SORCS2: variants seen among roughly 807,000 people sequenced by gnomAD.
SORCS2 encodes VPS10 domain-containing receptor SorCS2.
A neutral mutation model predicts 141.6 loss-of-function variants in SORCS2; 100 were observed. The ratio of observed to expected loss-of-function variants is 0.71; its 90% CI spans 0.60 to 0.83. SORCS2 has a LOEUF of 0.83. SORCS2 is among the 40% of genes least tolerant of loss of function. SORCS2 has a pLI of 0.00. For missense variants in SORCS2, 1,646 were observed against 1,560.2 expected (o/e 1.05, Z -0.93); for synonymous variants, 789 against 676.9 (o/e 1.17, Z -2.57).
chr4:7,555,777 A>C (rs1714061258), intron 3 of SORCS2, among the ~76,000 whole-genome samples: 1 of 152,232 alleles, frequency 6.6e-6, no homozygotes, highest in Non-Finnish European at 1.5e-5. Flanking sequence ...TTTGAGCCTA[A>C]ACCTGAAGGT....
intron 1 of SORCS2, among the ~76,000 whole-genome samples, chr4:7,348,592 C>A (rs951598950): frequency 3.9e-5 from 6 of 152,190 alleles, no homozygotes; most frequent in Admixed American, 2.0e-4. Context: ...ACTCTTGTTG[C>A]CCAGGCTGGA....
At chr4:7,394,800 C>G (rs145562316) in intron 1 of SORCS2, among the ~76,000 whole-genome samples, 139 of 152,242 alleles carry the variant, frequency 9.1e-4, no homozygotes, top group Non-Finnish European at 1.5e-3. Flanking sequence ...AGCTCCACCC[C>G]CCGAGGCCAG....
intron 19 of SORCS2, among the ~76,000 whole-genome samples, chr4:7,724,480 G>GCGA (rs1553808403): frequency 1.4e-5 from 1 of 71,388 alleles, no homozygotes; most frequent in Admixed American, 1.2e-4. Context: ...GGTGATGGTG[G>GCGA]TGATGGTGGT....
intron 1 of SORCS2, among the ~76,000 whole-genome samples, chr4:7,374,148 T>C (rs952151892): frequency 4.9e-5 from 7 of 144,210 alleles, no homozygotes; most frequent in African/African-American, 1.8e-4. Context: ...TCTTTCTTTC[T>C]TTCTTTCTTT....
intron 3 of SORCS2, among the ~76,000 whole-genome samples, chr4:7,558,593 T>C (rs576269205): frequency 1.1e-4 from 16 of 152,270 alleles, no homozygotes; most frequent in African/African-American, 3.4e-4. Flanking sequence ...CAGTGCTGCC[T>C]GGTCAGTTCA....
At chr4:7,711,511 G>A (rs1164960343) in intron 14 of SORCS2, among the ~76,000 whole-genome samples, 2 of 152,144 alleles carry the variant, frequency 1.3e-5, no homozygotes, top group African/African-American at 2.4e-5. Flanking sequence ...ACCACAAGCT[G>A]GACTGGAGAA....
chr4:7,474,579 A>G (rs1268629008), intron 2 of SORCS2, among the ~76,000 whole-genome samples: 1 of 152,160 alleles, frequency 6.6e-6, no homozygotes, highest in Non-Finnish European at 1.5e-5. Context: ...TGAATTCTGC[A>G]TGGGGTGCTG....
At chr4:7,699,371 C>T (rs1724910481) in intron 12 of SORCS2, among the ~76,000 whole-genome samples, 1 of 152,212 alleles carries the variant, frequency 6.6e-6, no homozygotes, top group Non-Finnish European at 1.5e-5. Flanking sequence ...CCATTCGTCT[C>T]CTCCTGGGTG....
intron 1 of SORCS2, among the ~76,000 whole-genome samples, chr4:7,258,225 T>A (rs1400503554): frequency 2.0e-5 from 3 of 152,232 alleles, no homozygotes; most frequent in Non-Finnish European, 4.4e-5. Context: ...GGTACACATA[T>A]GCCATGGTGG....
At chr4:7,696,324 C>A (rs1271922855) in intron 11 of SORCS2, among the ~76,000 whole-genome samples, 4 of 152,154 alleles carry the variant, frequency 2.6e-5, no homozygotes, top group Admixed American at 6.5e-5. Context: ...CCATTGGGTA[C>A]AGTGGAAGTC....
At chr4:7,508,092 C>T (rs57217399) in intron 2 of SORCS2, among the ~76,000 whole-genome samples, 72 of 151,990 alleles carry the variant, frequency 4.7e-4, no homozygotes, top group African/African-American at 1.7e-3. Context: ...AGGAAGTGGT[C>T]CCGGCTGGGG....
At chr4:7,645,046 G>A (rs1282787574) in intron 4 of SORCS2, among the ~76,000 whole-genome samples, 5 of 152,252 alleles carry the variant, frequency 3.3e-5, no homozygotes, top group Non-Finnish European at 4.4e-5. Flanking sequence ...CGTCGTAAAC[G>A]CAAGCGCATG....
intron 1 of SORCS2, among the ~76,000 whole-genome samples, chr4:7,219,126 A>T (rs1315311191): frequency 6.7e-6 from 1 of 149,676 alleles, no homozygotes; most frequent in African/African-American, 2.4e-5. Flanking sequence ...TTGTTTCCTT[A>T]ATTATATTCT....
rs202126632 is a variant in SORCS2 at position 7,434,781 on chromosome 4, C to T, written c.548+38426C>T. The T allele has an allele frequency of 2.5e-4, 397 of 1,612,068 alleles. 3 individuals carry two copies. The highest frequency in any genetic ancestry group is 1.6e-3 in the Middle Eastern group (10 of 6,062). On this transcript the variant is annotated intron_variant, in intron 2 of 26. Coordinates refer to ENST00000507866, the MANE Select transcript of SORCS2 (RefSeq NM_020777.3). ...TGGCAGCTGTCTGCAGATCCTGACA[C>T]CACACCGTGGAGCCCTTTGCACACT... is the stretch of plus-strand genomic sequence containing the variant.
intron 1 of SORCS2, among the ~76,000 whole-genome samples, chr4:7,290,840 C>T (rs1716552576): frequency 6.6e-6 from 1 of 151,168 alleles, no homozygotes; most frequent in Admixed American, 6.6e-5. Flanking sequence ...GGTTAAGGGC[C>T]TGCTATGCTC....
intron 11 of SORCS2, among the ~76,000 whole-genome samples, chr4:7,693,463 T>A (rs12649366): frequency 2.2e-4 from 33 of 151,944 alleles, no homozygotes; most frequent in Admixed American, 5.2e-4. Context: ...GTGCAGAGTG[T>A]GTGCCAACCC....
chr4:7,574,473 T>A (rs1715614014), intron 3 of SORCS2, among the ~76,000 whole-genome samples: 1 of 152,200 alleles, frequency 6.6e-6, no homozygotes, highest in Non-Finnish European at 1.5e-5. Context: ...TGGGATTGCC[T>A]GCCGTTTCAG....
intron 2 of SORCS2, among the ~76,000 whole-genome samples, chr4:7,417,004 G>A (rs942196641): frequency 7.2e-5 from 11 of 152,184 alleles, no homozygotes; most frequent in African/African-American, 1.2e-4. Context: ...AGAGCAGAGC[G>A]GGGTCTCCTG....
chr4:7,709,755 C>T (rs78279978), intron 14 of SORCS2, among the ~76,000 whole-genome samples: 2,158 of 152,278 alleles, frequency 0.014, 59 homozygotes, highest in African/African-American at 0.049. Context: ...TCTAACCTGG[C>T]CAGAGGCAAC....
Sources: gnomAD v4.1 joint callset for allele counts (sites outside exome capture counted in the v4.1 genomes callset) on GRCh38, gnomAD v4.1.1 for gene constraint, MANE v1.5 for transcripts, NCBI Gene and HGNC (gene_info 2026-07-23, HGNC 2026-07-21) for gene names.